NF1: variants seen among roughly 807,000 people sequenced by gnomAD.
The protein encoded by NF1 is neurofibromin.
In NF1, 122 loss-of-function variants were observed where a neutral mutation model predicts 325.7. The observed-to-expected ratio is 0.37, with a 90% CI of 0.32 to 0.44. NF1 has a LOEUF of 0.44. Ranked by LOEUF, NF1 falls within the 20% of genes least tolerant of loss-of-function variation. The probability of loss-of-function intolerance (pLI) is 1.00; values close to 1 mark genes in which losing one functional copy is unlikely to be tolerated. For synonymous variants in NF1, 1,091 were observed against 1,186.0 expected (o/e 0.92, Z 1.65); for missense variants, 2,140 against 3,415.4 (o/e 0.63, Z 9.31).
intron 35 of NF1, among the ~76,000 whole-genome samples, chr17:31,263,031 ATAGATAGGTAGG>A (rs746564448): frequency 0.012 from 1,710 of 145,560 alleles, 27 homozygotes; most frequent in African/African-American, 0.035. Flanking sequence ...AGATAGATAG[ATAGATAGGTAGG>A]TAGGTAGGTA....
rs1241296625 is a variant in NF1, at chr17:31,343,032, A to C, written c.7086A>C (p.Ala2362=). The change falls in exon 48 of 58, where the codon GCA becomes GCC. Residue 2362 remains alanine, a synonymous_variant. Transcript: ENST00000358273. The part of the protein sequence containing the change: ...NDKSPEEVFM[A]IRNPLEWHCK... ...AGAGTCCAGAGGAAGTATTTATGGCAATCCGGAATCCTCTGGAGTGGCACT... is the reference window on the plus strand; with the variant it reads ...AGAGTCCAGAGGAAGTATTTATGGCCATCCGGAATCCTCTGGAGTGGCACT... 3.1e-6 allele frequency: 5 copies of C among 1,614,050 alleles called. No individual in the cohort carries two copies. The highest frequency in any genetic ancestry group is 4.2e-6 in the Non-Finnish European group (5 of 1,180,026).
chr17:31,165,587 G>A (rs955177858), intron 4 of NF1, among the ~76,000 whole-genome samples: 3 of 152,086 alleles, frequency 2.0e-5, no homozygotes, highest in African/African-American at 4.8e-5. Flanking sequence ...AAGATGTTTC[G>A]TGTTTGTCCA....
At chr17:31,318,334 G>A (rs746092757) in intron 36 of NF1, 2 of 1,609,928 alleles carry the variant, frequency 1.2e-6, no homozygotes, top group South Asian at 2.2e-5. Flanking sequence ...AAGTTTTTCA[G>A]TTCCTTCTTC....
At chr17:31,241,468 AGAT>A (rs1232346610) in intron 29 of NF1, among the ~76,000 whole-genome samples, 23 of 152,228 alleles carry the variant, frequency 1.5e-4, no homozygotes, top group African/African-American at 4.8e-4. Flanking sequence ...TGATTTTCAC[AGAT>A]GATATGTGTT....
At chr17:31,281,912 T>C (rs565187736) in intron 36 of NF1, among the ~76,000 whole-genome samples, 1 of 151,742 alleles carries the variant, frequency 6.6e-6, no homozygotes, top group Admixed American at 6.6e-5. Flanking sequence ...TTGCAAAAAT[T>C]AGCTGGATGT....
intron 1 of NF1, among the ~76,000 whole-genome samples, chr17:31,106,674 A>G (rs1485971646): frequency 6.6e-6 from 1 of 152,246 alleles, no homozygotes; most frequent in Non-Finnish European, 1.5e-5. Flanking sequence ...GTTAGATGTT[A>G]GAAATAGATG....
At chr17:31,261,633 A>G (rs527400692) in intron 34 of NF1, 78 bp from the exon 35 acceptor site, 10 of 1,531,334 alleles carry the variant, frequency 6.5e-6, no homozygotes, top group South Asian at 1.1e-5. Context: ...AGGAAAAGCA[A>G]CCAGTTACAA....
intron 1 of NF1, among the ~76,000 whole-genome samples, chr17:31,146,846 T>A (rs1916620935): frequency 6.6e-6 from 1 of 152,178 alleles, no homozygotes; most frequent in African/African-American, 2.4e-5. Context: ...TCATTTGATG[T>A]GGGTTATCTT....
intron 30 of NF1, chr17:31,252,191 C>T (rs867930130): frequency 7.7e-5 from 16 of 208,176 alleles, no homozygotes; most frequent in Middle Eastern, 3.0e-3. Context: ...TTTAAGCAGG[C>T]CTACAGTTTT....
In NF1 at chr17:31,227,747, C is replaced by T. The variant is rs1458022339; in HGVS notation, c.2409+141C>T. 3.9e-6 allele frequency: 3 copies of T among 759,542 alleles called. No homozygotes were observed. The African/African-American group carries it at 5.2e-5, about 13-fold the overall frequency. The allele number at this position is 759,542 out of a possible 1,614,324, so 47.1% of individuals were successfully genotyped here. On this transcript the variant is annotated intron_variant, in intron 20 of 57. Coordinates refer to ENST00000358273, the MANE Select transcript of NF1 (RefSeq NM_001042492.3). The stretch of plus-strand genomic sequence containing the variant: ...GATATTTAGTTGTGGTTTATCTAGA[C>T]CTGTACTTTGTAATGTGGTAGCTAC...
At chr17:31,174,906 C>T (rs1291946056) in intron 5 of NF1, among the ~76,000 whole-genome samples, 5 of 151,852 alleles carry the variant, frequency 3.3e-5, no homozygotes, top group Admixed American at 2.0e-4. Context: ...GTCAGGAGTT[C>T]GAGACCAGCC....
chr17:31,129,489 A>C (rs1405775361), intron 1 of NF1, among the ~76,000 whole-genome samples: 2 of 145,416 alleles, frequency 1.4e-5, no homozygotes, highest in African/African-American at 5.1e-5. Flanking sequence ...CAGAGTAGTG[A>C]CACGATCTCA....
At position 31,225,243 on chromosome 17, in the gene NF1, C is replaced by T. The variant is rs145891889; in HGVS notation, c.1994C>T (p.Ser665Phe). The T allele has an allele frequency of 3.6e-4, 573 of 1,613,520 alleles. 2 individuals carry two copies. The African/African-American group carries it at 6.7e-3, about 19-fold the overall frequency. ...GASLRKGKGN[S>F]SMDSAAGCSG... is the part of the protein sequence containing the mutation. ...TCTCTCCGGAAGGGAAAAGGGAACT[C>T]CTCTATGGTCAGCTTCTTCTGTACT... The change falls in exon 17 of 58, where the codon TCC becomes TTC. Residue 665 changes from serine to phenylalanine, a missense_variant. Ser to Phe is a radical substitution (Grantham distance 155). This residue lies in a region of NF1 where 380 missense variants were observed against 639.3 expected (regional missense o/e 0.59). Coordinates refer to ENST00000358273, the MANE Select transcript of NF1 (RefSeq NM_001042492.3).
intron 57 of NF1, among the ~76,000 whole-genome samples, chr17:31,363,434 CTCTTT>C (rs1330933585): frequency 7.4e-6 from 1 of 135,808 alleles, no homozygotes; most frequent in Non-Finnish European, 1.6e-5. Flanking sequence ...CCTTATCTCT[CTCTTT>C]TTTTTTTTTT....
At chr17:31,096,966 G>T (rs1911781773) in intron 1 of NF1, among the ~76,000 whole-genome samples, 1 of 152,188 alleles carries the variant, frequency 6.6e-6, no homozygotes, top group South Asian at 2.1e-4. Context: ...GGATTTAAAA[G>T]GCACATAGAA....
chr17:31,153,860 T>A (rs1229852256), intron 1 of NF1, among the ~76,000 whole-genome samples: 1 of 151,792 alleles, frequency 6.6e-6, no homozygotes, highest in Non-Finnish European at 1.5e-5. Context: ...GCAGTCCTCC[T>A]GCCTCAGCCT....
intron 36 of NF1, chr17:31,272,833 A>T (rs1199924407): frequency 6.6e-6 from 1 of 152,182 alleles, no homozygotes; most frequent in Non-Finnish European, 1.5e-5. Context: ...ATATATCCTT[A>T]ATTGTGTTTA....
chr17:31,103,586 G>A (rs1031869089), intron 1 of NF1, among the ~76,000 whole-genome samples: 1 of 151,186 alleles, frequency 6.6e-6, no homozygotes, highest in Non-Finnish European at 1.5e-5. Flanking sequence ...TTGCCATGTT[G>A]GCCAGGCTGG....
intron 34 of NF1, among the ~76,000 whole-genome samples, chr17:31,260,725 CATT>C (rs368673287): frequency 8.5e-5 from 13 of 152,130 alleles, no homozygotes; most frequent in African/African-American, 2.9e-4. Context: ...TTCCAGTGGT[CATT>C]ATTATTATTT....
Sources: gnomAD v4.1 joint callset for allele counts (sites outside exome capture counted in the v4.1 genomes callset) on GRCh38, gnomAD v4.1.1 for gene constraint, gnomAD v4.1.1 regional missense constraint, MANE v1.5 for transcripts, NCBI Gene and HGNC (gene_info 2026-07-23, HGNC 2026-07-21) for gene names.